Variants in VPS54 observed in about 807,000 individuals in gnomAD.
The protein encoded by VPS54 is vacuolar protein sorting-associated protein 54.
A neutral mutation model predicts 121.5 loss-of-function variants in VPS54; 45 were observed. The observed-to-expected ratio is 0.37, with a 90% CI of 0.29 to 0.47. VPS54 has a LOEUF of 0.47. Among genes scored for constraint, VPS54 ranks in the 20% least tolerant of loss-of-function variants. The probability of loss-of-function intolerance (pLI) is 0.99; values close to 1 mark genes in which losing one functional copy is unlikely to be tolerated. For missense variants in VPS54, 1,090 were observed against 1,131.4 expected, an observed-to-expected ratio of 0.96 and a Z score of 0.52; for synonymous variants, 371 against 385.8, an observed-to-expected ratio of 0.96 and a Z score of 0.45.
At chr2:63,895,652 CAA>C (rs1199963068) in intron 22 of VPS54, among the ~76,000 whole-genome samples, 2 of 151,972 alleles carry the variant, frequency 1.3e-5, no homozygotes, top group Non-Finnish European at 2.9e-5. Context: ...AATTTCACCT[CAA>C]AAAAAGTCAA....
intron 7 of VPS54, among the ~76,000 whole-genome samples, chr2:63,957,925 G>T (rs1038033882): frequency 1.3e-5 from 2 of 152,086 alleles, no homozygotes; most frequent in Non-Finnish European, 2.9e-5. Context: ...GTGAGGTGTG[G>T]CACACTTTTT....
chr2:63,956,965 A>G (rs942154919), intron 7 of VPS54, among the ~76,000 whole-genome samples: 1 of 152,200 alleles, frequency 6.6e-6, no homozygotes, highest in African/African-American at 2.4e-5. Flanking sequence ...CAAGATATCA[A>G]CATTCGAATG....
intron 4 of VPS54, among the ~76,000 whole-genome samples, chr2:63,969,741 C>T (rs1026953963): frequency 6.6e-6 from 1 of 152,144 alleles, no homozygotes; most frequent in Admixed American, 6.5e-5. Flanking sequence ...TCCATGAAAC[C>T]AGTCCCTGGT....
At chr2:63,919,449 C>G (rs188625914) in intron 15 of VPS54, among the ~76,000 whole-genome samples, 1 of 152,092 alleles carries the variant, frequency 6.6e-6, no homozygotes, top group Admixed American at 6.5e-5. Context: ...TAGAAGCTAA[C>G]TAGCGCTTAC....
intron 2 of VPS54, among the ~76,000 whole-genome samples, chr2:63,983,538 G>A (rs1041532483): frequency 1.3e-5 from 2 of 149,456 alleles, no homozygotes; most frequent in Non-Finnish European, 3.0e-5. Flanking sequence ...CACCTCCTGA[G>A]TTCACAGCAT....
chr2:63,946,762 G>A (rs1421967102), intron 9 of VPS54, among the ~76,000 whole-genome samples: 2 of 152,048 alleles, frequency 1.3e-5, no homozygotes, highest in African/African-American at 4.8e-5. Flanking sequence ...ATTTCTTAGA[G>A]ATTAGGATAA....
chr2:63,978,049 G>A (rs1406727504), intron 3 of VPS54, among the ~76,000 whole-genome samples: 3 of 152,182 alleles, frequency 2.0e-5, no homozygotes, highest in Non-Finnish European at 4.4e-5. Context: ...TGCGTGAAGG[G>A]AGGGGAAGCA....
intron 7 of VPS54, among the ~76,000 whole-genome samples, chr2:63,955,441 G>A (rs1220532828): frequency 2.0e-5 from 3 of 152,090 alleles, no homozygotes; most frequent in South Asian, 2.1e-4. Flanking sequence ...GAATTATGGT[G>A]GGAGGTCCAT....
intron 10 of VPS54, 21 bp downstream of exon 10, chr2:63,944,579 A>G (rs1235740891): frequency 2.5e-6 from 4 of 1,590,342 alleles, no homozygotes; most frequent in South Asian, 2.3e-5. Flanking sequence ...GATAACCACC[A>G]ACCTATATAT....
intron 22 of VPS54, among the ~76,000 whole-genome samples, chr2:63,895,097 A>G (rs1267011348): frequency 6.6e-6 from 1 of 152,018 alleles, no homozygotes; most frequent in East Asian, 1.9e-4. Context: ...AAATATAAAT[A>G]ATTTATTATT....
chr2:63,992,656 G>T lies in VPS54; in HGVS notation c.-20-8637C>A, dbSNP rs572866349. Among the ~76,000 whole-genome samples the T allele has an allele frequency of 1.1e-3, 165 of 152,312 alleles. 1 individual carries two copies. The highest frequency in any genetic ancestry group is 2.0e-3 in the Non-Finnish European group (135 of 68,034). The stretch of plus-strand genomic sequence containing the variant: ...GAAATTTGGAACCTTCTTTCCCGCT[G>T]GAATTCTCCTGTGTTTCTAGTAAAA... On this transcript the variant is annotated intron_variant, in intron 1 of 22. Transcript: ENST00000272322.
intron 11 of VPS54, among the ~76,000 whole-genome samples, chr2:63,937,779 G>C (rs922627947): frequency 2.6e-5 from 4 of 152,150 alleles, no homozygotes; most frequent in Non-Finnish European, 1.5e-5. Context: ...GCAAAATGTA[G>C]TAGATACACA....
At chr2:63,931,966 A>T (rs1356590572) in intron 12 of VPS54, among the ~76,000 whole-genome samples, 1 of 152,194 alleles carries the variant, frequency 6.6e-6, no homozygotes, top group Non-Finnish European at 1.5e-5. Context: ...ATACCATCTC[A>T]CTCCAGTTAG....
chr2:63,998,047 T>C (rs867750893), intron 1 of VPS54, among the ~76,000 whole-genome samples: 4 of 152,316 alleles, frequency 2.6e-5, no homozygotes, highest in Admixed American at 2.0e-4. Flanking sequence ...GAGAAGATGC[T>C]TGATATTATT....
At chr2:63,909,585 A>G (rs1358387305) in intron 20 of VPS54, among the ~76,000 whole-genome samples, 1 of 150,988 alleles carries the variant, frequency 6.6e-6, no homozygotes, top group East Asian at 1.9e-4. Flanking sequence ...ATGCCCGGCT[A>G]ATTTTTGTAT....
At chr2:63,941,906 C>T (rs567106760) in intron 11 of VPS54, among the ~76,000 whole-genome samples, 1 of 151,756 alleles carries the variant, frequency 6.6e-6, no homozygotes, top group African/African-American at 2.4e-5. Context: ...TGGTGGCACA[C>T]GCCTATAATC....
rs1678864822 is a variant in VPS54, at chr2:64,019,250, C to G, written c.-333G>C. The stretch of plus-strand genomic sequence containing the variant: ...GCGCCGCCTCCGCCGCTGCTGCCAC[C>G]GCCTCTCCCACATCCCCGGCCTCCA... On this transcript the variant is annotated 5_prime_UTR_variant, in exon 1 of 23. Transcript: ENST00000272322. Among the ~76,000 whole-genome samples, 1 of 150,468 alleles carries G rather than the reference C, an allele frequency of 6.6e-6. No individual in the cohort carries two copies. The highest frequency in any genetic ancestry group is 1.5e-5 in the Non-Finnish European group (1 of 67,316).
chr2:63,987,626 A>C (rs1385346088), intron 1 of VPS54, among the ~76,000 whole-genome samples: 1 of 152,154 alleles, frequency 6.6e-6, no homozygotes, highest in Non-Finnish European at 1.5e-5. Flanking sequence ...TAGTATGGAC[A>C]TTTTAACAAT....
intron 1 of VPS54, among the ~76,000 whole-genome samples, chr2:63,996,042 T>C (rs1451678441): frequency 1.3e-5 from 2 of 152,172 alleles, no homozygotes; most frequent in Non-Finnish European, 2.9e-5. Context: ...TTGTCTTTAG[T>C]GTGCTGGACC....
Sources: allele counts gnomAD v4.1 joint callset (sites outside exome capture counted in the v4.1 genomes callset), GRCh38; gene constraint gnomAD v4.1.1; transcripts MANE v1.5; gene names NCBI Gene and HGNC (gene_info 2026-07-23, HGNC 2026-07-21).